The following SEMA3E variants were observed in gnomAD, a reference collection of about 807,000 sequenced individuals.
The protein encoded by SEMA3E is semaphorin-3E.
SEMA3E carries 49 observed loss-of-function variants against 93.6 expected under a neutral mutation model. The observed-to-expected ratio is 0.52, with a 90% CI of 0.42 to 0.66. The LOEUF is 0.66. Ranked by LOEUF, SEMA3E falls within the 30% of genes least tolerant of loss-of-function variation. The probability of loss-of-function intolerance (pLI) is 0.00; values close to 1 mark genes in which losing one functional copy is unlikely to be tolerated. For missense variants in SEMA3E, 906 were observed against 964.8 expected (o/e 0.94, Z 0.81); for synonymous variants, 363 against 330.7 (o/e 1.10, Z -1.06).
At chr7:83,440,356 C>T (rs1371791671) in intron 4 of SEMA3E, among the ~76,000 whole-genome samples, 1 of 152,058 alleles carries the variant, frequency 6.6e-6, no homozygotes, top group Non-Finnish European at 1.5e-5. Context: ...TTCTAGGATG[C>T]TTTTCCTAAG....
At chr7:83,534,034 A>G (rs777903456) in intron 1 of SEMA3E, among the ~76,000 whole-genome samples, 2 of 152,210 alleles carry the variant, frequency 1.3e-5, no homozygotes, top group South Asian at 2.1e-4. Flanking sequence ...TGAAGTTTCC[A>G]TTTTTAAGCT....
intron 1 of SEMA3E, among the ~76,000 whole-genome samples, chr7:83,647,328 G>T (rs965609207): frequency 2.6e-5 from 4 of 152,038 alleles, no homozygotes; most frequent in African/African-American, 9.7e-5. Context: ...TGTTTCTCCT[G>T]ATAAATATTC....
At chr7:83,482,440 C>T (rs1010818660) in intron 2 of SEMA3E, among the ~76,000 whole-genome samples, 2 of 151,646 alleles carry the variant, frequency 1.3e-5, no homozygotes, top group South Asian at 2.1e-4. Flanking sequence ...GTGGCGGGTG[C>T]CTGTAGTCCC....
At chr7:83,577,541 G>A (rs1170121076) in intron 1 of SEMA3E, among the ~76,000 whole-genome samples, 2 of 152,052 alleles carry the variant, frequency 1.3e-5, no homozygotes, top group East Asian at 1.9e-4. Flanking sequence ...AGGAGAAATC[G>A]TTGTAATATT....
At chr7:83,593,260 G>GTCTCTCTGTC (rs1363861018) in intron 1 of SEMA3E, among the ~76,000 whole-genome samples, 2 of 96,338 alleles carry the variant, frequency 2.1e-5, no homozygotes, top group African/African-American at 9.4e-5. Flanking sequence ...CTCTCTCTCT[G>GTCTCTCTGTC]TCTCTCTCTC....
chr7:83,388,951 T>C (rs1281470487), intron 14 of SEMA3E, among the ~76,000 whole-genome samples: 3 of 151,962 alleles, frequency 2.0e-5, no homozygotes, highest in African/African-American at 7.2e-5. Flanking sequence ...CTAGGGCAGA[T>C]CAACATCTCC....
Position 83,363,880 on chromosome 7 carries a change from T to TC in SEMA3E, c.*3705_*3706insG, listed in dbSNP as rs1156852125. The TC allele has an allele frequency of 1.2e-4, 12 of 97,614 alleles. No individual in the cohort carries two copies. Among genetic ancestry groups the TC allele is most frequent in the African/African-American group, 4.1e-4 (10 of 24,206 alleles). 6.0% of individuals were successfully genotyped at this position (97,614 alleles called of 1,614,324 possible). ...AATTCATTTTTTTTTTTTTTTTTTT[T>TC]TTTTTTTTTTTTTTTTTTTTTTTTT... is the stretch of plus-strand genomic sequence containing the variant. On this transcript the variant is annotated 3_prime_UTR_variant, in exon 17 of 17. Coordinates refer to ENST00000643230, the MANE Select transcript of SEMA3E (RefSeq NM_012431.3).
intron 1 of SEMA3E, among the ~76,000 whole-genome samples, chr7:83,522,694 T>C (rs1791073200): frequency 6.6e-6 from 1 of 152,114 alleles, no homozygotes; most frequent in Admixed American, 6.6e-5. Context: ...ATTAAGAAGA[T>C]ACAATGGAGA....
At chr7:83,644,488 A>T (rs900090311) in intron 1 of SEMA3E, among the ~76,000 whole-genome samples, 1 of 152,016 alleles carries the variant, frequency 6.6e-6, no homozygotes, top group Non-Finnish European at 1.5e-5. Flanking sequence ...CTGCAAAAAC[A>T]TTAATAATAT....
intron 1 of SEMA3E, among the ~76,000 whole-genome samples, chr7:83,577,233 C>G (rs1792424325): frequency 6.6e-6 from 1 of 152,144 alleles, no homozygotes; most frequent in Non-Finnish European, 1.5e-5. Context: ...GATAGATAGA[C>G]AGATCGACCA....
At chr7:83,456,946 T>C (rs1161012896) in intron 4 of SEMA3E, among the ~76,000 whole-genome samples, 1 of 152,166 alleles carries the variant, frequency 6.6e-6, no homozygotes, top group African/African-American at 2.4e-5. Context: ...TTAATGATAT[T>C]ATTACATTTA....
intron 1 of SEMA3E, among the ~76,000 whole-genome samples, chr7:83,491,997 A>C (rs1394535987): frequency 6.6e-6 from 1 of 152,054 alleles, no homozygotes; most frequent in African/African-American, 2.4e-5. Context: ...GTCTTTATAC[A>C]TAAGCATTTA....
In SEMA3E at chr7:83,575,617, A is replaced by T. The variant is rs549709660; in HGVS notation, c.115+72811T>A. 9.9e-5 allele frequency among the ~76,000 whole-genome samples: 15 copies of T among 152,258 alleles called. 1 individual carries two copies. In the East Asian group the frequency reaches 2.7e-3, roughly 27 times the overall value. ...TTTTTATGTCAGCCCCGGGCCTCAT[A>T]ATTATCTGGAACAGCTGTAACAGAT... is the stretch of plus-strand genomic sequence containing the variant. On this transcript the variant is annotated intron_variant, in intron 1 of 16. Coordinates refer to ENST00000643230, the MANE Select transcript of SEMA3E (RefSeq NM_012431.3).
At chr7:83,566,800 G>C (rs1215113542) in intron 1 of SEMA3E, among the ~76,000 whole-genome samples, 1 of 151,966 alleles carries the variant, frequency 6.6e-6, no homozygotes, top group Non-Finnish European at 1.5e-5. Flanking sequence ...GAAATAGAAA[G>C]GACTCAAATA....
chr7:83,408,317 T>C (rs1183731327), intron 6 of SEMA3E, 51 bp downstream of exon 6: 1 of 1,610,702 alleles, frequency 6.2e-7, no homozygotes. Context: ...TTTCCGTAAG[T>C]TTTAGAGTTG....
rs1788311202 is a variant in SEMA3E at position 83,405,485 on chromosome 7, C to A, written c.963G>T (p.Lys321Asn). 2 of 1,612,834 alleles carry A rather than the reference C, an allele frequency of 1.2e-6. No homozygotes were observed. Among genetic ancestry groups the A allele is most frequent in the Non-Finnish European group, 1.7e-6 (2 of 1,179,310 alleles). Residue 321 changes from lysine to asparagine, a missense_variant, in exon 9 of 17, where the codon AAG becomes AAT. Physicochemically the swap from Lys to Asn is moderately conservative, Grantham distance 94. Transcript: ENST00000643230. ...TAAAGAGTCCAAATATCACTGGATT[C>A]TTATGATCTCTGGTAGGTAGCAAAA... ...DVFLLPTRDHKNPVIFGLFNT... is the reference protein window; with the variant it reads ...DVFLLPTRDHNNPVIFGLFNT...
At chr7:83,447,418 G>T (rs1392682780) in intron 4 of SEMA3E, among the ~76,000 whole-genome samples, 2 of 151,968 alleles carry the variant, frequency 1.3e-5, no homozygotes, top group Non-Finnish European at 2.9e-5. Flanking sequence ...GGCGCCTGTA[G>T]TCCCAGCTAC....
At chr7:83,409,675 T>A (rs1443887205) in intron 5 of SEMA3E, among the ~76,000 whole-genome samples, 1 of 151,936 alleles carries the variant, frequency 6.6e-6, no homozygotes, top group Non-Finnish European at 1.5e-5. Context: ...ATTAATTTTA[T>A]AATTAGGATT....
chr7:83,566,433 G>T (rs1056284851), intron 1 of SEMA3E, among the ~76,000 whole-genome samples: 2 of 152,052 alleles, frequency 1.3e-5, no homozygotes, highest in Non-Finnish European at 2.9e-5. Context: ...TCATATGTGA[G>T]ATTACTATTT....
Sources: allele counts gnomAD v4.1 joint callset (sites outside exome capture counted in the v4.1 genomes callset), GRCh38; gene constraint gnomAD v4.1.1; transcripts MANE v1.5; gene names NCBI Gene and HGNC (gene_info 2026-07-23, HGNC 2026-07-21).